PLEC: variants seen among roughly 807,000 people sequenced by gnomAD.
PLEC encodes the protein hemidesmosomal protein 1.
PLEC carries 216 observed loss-of-function variants against 392.8 expected under a neutral mutation model. That is an observed-to-expected ratio of 0.55 (90% confidence interval 0.49 to 0.62). The LOEUF is 0.62. PLEC is among the 20% of genes least tolerant of loss of function. PLEC has a pLI of 0.00. For missense variants in PLEC, 6,863 were observed against 6,563.4 expected, an observed-to-expected ratio of 1.05 and a Z score of -1.58; for synonymous variants, 3,621 against 2,980.6, an observed-to-expected ratio of 1.21 and a Z score of -7.00.
rs1826688996 is a variant in PLEC, at chr8:143,930,040, G to A, written c.2635C>T (p.Leu879=). ...TGCAACTGGTGCCACAGCGTGACCA[G>A]GGCCTGGTGCTGGGCCTCCAGCCTG... is the stretch of plus-strand genomic sequence containing the variant. The part of the protein sequence containing the change: ...VTRLEAQHQA[L]VTLWHQLHVD... The change falls in exon 22 of 32, where the codon CTG becomes TTG. Residue 879 remains leucine, a synonymous_variant. Transcript: ENST00000345136. 1 of 1,611,804 alleles carries A rather than the reference G, an allele frequency of 6.2e-7. No homozygotes were observed. The highest frequency in any genetic ancestry group is 2.2e-5 in the East Asian group (1 of 44,872).
chr8:143,921,357 G>A lies in PLEC; in HGVS notation c.8464C>T (p.His2822Tyr), dbSNP rs904031769. 6 of 1,613,506 alleles carry A rather than the reference G, an allele frequency of 3.7e-6. No homozygotes were observed. The African/African-American group carries it at 6.7e-5, about 18-fold the overall frequency. The part of the protein sequence containing the change: ...TGGVIDPVHS[H>Y]RVPVDVAYRR... ...TAGGCCACGTCCACGGGCACGCGGT[G>A]GCTGTGCACGGGGTCGATAACGCCG... The change falls in exon 32 of 32, where the codon CAC (histidine) becomes TAC (tyrosine). Residue 2822 changes from histidine (H) to tyrosine (Y), a missense_variant. His to Tyr is a moderately conservative substitution (Grantham distance 83). Transcript: ENST00000345136.
upstream of PLEC, among the ~76,000 whole-genome samples, chr8:143,973,698 C>A (rs1833556394): frequency 6.6e-6 from 1 of 150,856 alleles, no homozygotes; most frequent in African/African-American, 2.4e-5. The surrounding 1 kb of genome is among the most constrained non-coding windows in gnomAD (Gnocchi z 5.6). Context: ...GGCTCCGAGT[C>A]CCGCACGCAC....
At chr8:143,956,888 TG>T (rs1554739396), upstream of PLEC, among the ~76,000 whole-genome samples, 67 of 152,320 alleles carry the variant, frequency 4.4e-4, no homozygotes, top group African/African-American at 1.6e-3. Flanking sequence ...CTCAGCCAGC[TG>T]CACGTCAGTC....
intron 9 of PLEC, 36 bp from the exon 10 acceptor site, chr8:143,934,766 C>A: frequency 6.2e-7 from 1 of 1,612,024 alleles, no homozygotes; most frequent in Non-Finnish European, 8.5e-7. Context: ...CCACGCCGGG[C>A]TCTCAGGGCA....
At chr8:143,942,447 GTCCAGCCAGCACGGCCGC>G, upstream of PLEC, 1 of 1,602,736 alleles carries the variant, frequency 6.2e-7, no homozygotes, top group South Asian at 1.1e-5. Flanking sequence ...CGCAGCCCCC[GTCCAGCCAGCACGGCCGC>G]TCCAGCAAGA....
rs981739379 is a variant in PLEC, at chr8:143,938,557, C to G, written c.174+74G>C. On this transcript the variant is annotated intron_variant, in intron 2 of 31. Coordinates refer to ENST00000345136, the MANE Select transcript of PLEC (RefSeq NM_201384.3). ...CAGGCAGCATGGGGACAGCCTTGGG[C>G]GGCAGGGGCCACCCTCCCTCAGCGC... 6 of 1,546,618 alleles carry G rather than the reference C, an allele frequency of 3.9e-6. No homozygotes were observed. The African/African-American group carries it at 8.2e-5, about 21-fold the overall frequency.
At chr8:143,954,016 C>T, upstream of PLEC, 1 of 965,826 alleles carries the variant, frequency 1.0e-6, no homozygotes, top group Non-Finnish European at 1.4e-6. The surrounding 1 kb of genome is among the most constrained non-coding windows in gnomAD (Gnocchi z 4.6). Flanking sequence ...CCCGCTAACC[C>T]CAGCCAGACT....
upstream of PLEC, chr8:143,950,976 A>G (rs1832088847): frequency 5.0e-6 from 3 of 605,062 alleles, no homozygotes; most frequent in Admixed American, 3.8e-5. Context: ...CCTCTGACTC[A>G]GCAGCATGGG....
Position 143,917,816 on chromosome 8 carries a change from T to A in PLEC, c.12005A>T (p.Asp4002Val). The stretch of plus-strand genomic sequence containing the variant: ...GGCGCGCTCGGCCGACAGCAGCTTG[T>A]CCTTGAACTCGGGGCCCACAATGCC... ...RMGIVGPEFK[D>V]KLLSAERAVT... Residue 4002 changes from aspartate (D) to valine (V), a missense_variant, in exon 32 of 32, where the codon GAC becomes GTC. Transcript: ENST00000345136. 4 of 1,613,484 alleles carry A rather than the reference T, an allele frequency of 2.5e-6. No homozygotes were observed. Among genetic ancestry groups the A allele is most frequent in the Non-Finnish European group, 3.4e-6 (4 of 1,179,986 alleles).
chr8:143,953,914 G>T, upstream of PLEC: 1 of 1,458,344 alleles, frequency 6.9e-7, no homozygotes, highest in South Asian at 1.4e-5. Flanking sequence ...GGCTTCAGCT[G>T]ATCAATGCGC....
At chr8:143,942,643 C>A (rs1450990254), upstream of PLEC, 4 of 1,176,390 alleles carry the variant, frequency 3.4e-6, no homozygotes, top group African/African-American at 1.6e-5. Context: ...CACCTCCCCC[C>A]CACAATCCGC....
rs1554709108 is a variant in PLEC, at chr8:143,927,962, G to C, written c.3291C>G (p.Gly1097=). The change falls in exon 26 of 32, where the codon GGC becomes GGG. Residue 1097 remains glycine (G), a synonymous_variant. Coordinates refer to ENST00000345136, the MANE Select transcript of PLEC (RefSeq NM_201384.3). Reference sequence around the variant, plus strand: ...TGAGCACCTCCTCGGCCCCCTGCGTGCCGCGGATCACCAGGCTGATGGTCT... The same window carrying C: ...TGAGCACCTCCTCGGCCCCCTGCGTCCCGCGGATCACCAGGCTGATGGTCT... ...KLKTISLVIR[G]TQGAEEVLRA... 1 of 1,601,718 alleles carries C rather than the reference G, an allele frequency of 6.2e-7. No individual in the cohort carries two copies. Among genetic ancestry groups the C allele is most frequent in the East Asian group, 2.2e-5 (1 of 44,460 alleles).
upstream of PLEC, among the ~76,000 whole-genome samples, chr8:143,956,698 C>T (rs1832614418): frequency 6.6e-6 from 1 of 152,014 alleles, no homozygotes; most frequent in Admixed American, 6.6e-5. Context: ...TCAAGCTGCC[C>T]GCCTGTGAGT....
At position 143,932,170 on chromosome 8, in the gene PLEC, C is replaced by T. The variant is rs561259506; in HGVS notation, c.2042G>A (p.Arg681Gln). Residue 681 changes from arginine (R) to glutamine (Q), a missense_variant, in exon 17 of 32, where the codon CGG becomes CAG. Arg to Gln is a conservative substitution (Grantham distance 43, BLOSUM62 1). Transcript: ENST00000345136. Reference protein sequence around the residue: ...KIKELQNAGDRLLREDHPARP... With the variant: ...KIKELQNAGDQLLREDHPARP... ...GGCCGGGTGGTCCTCCCGCAGCAGC[C>T]GGTCCCCAGCATTTTGGAGCTCCTT... The T allele has an allele frequency of 8.1e-6, 13 of 1,612,228 alleles. No homozygotes were observed. Among genetic ancestry groups the T allele is most frequent in the East Asian group, 6.7e-5 (3 of 44,862 alleles).
rs1821708789 is a variant in PLEC at position 143,919,318 on chromosome 8, G to T, written c.10503C>A (p.Val3501=). 1.2e-6 allele frequency: 2 copies of T among 1,613,986 alleles called. No homozygotes were observed. Among genetic ancestry groups the T allele is most frequent in the Non-Finnish European group, 1.7e-6 (2 of 1,180,042 alleles). ...RGYFSEEMNR[V]LADPSDDTKG... ...TGGTGTCGTCGCTGGGGTCCGCCAG[G>T]ACGCGGTTCATCTCCTCACTGAAGT... The change falls in exon 32 of 32, where the codon GTC becomes GTA. Residue 3501 remains valine, a synonymous_variant. Transcript: ENST00000345136.
intron 1 of PLEC, among the ~76,000 whole-genome samples, chr8:143,971,481 G>A (rs782543712): frequency 6.6e-6 from 1 of 152,094 alleles, no homozygotes; most frequent in Non-Finnish European, 1.5e-5. Context: ...AGGAAGGGCC[G>A]GGGCTCCAGC....
intron 1 of PLEC, chr8:143,946,445 C>T: frequency 7.8e-7 from 1 of 1,274,106 alleles, no homozygotes; most frequent in Non-Finnish European, 1.0e-6. Flanking sequence ...GAAGGCGAGG[C>T]AGGAAGGAGG....
At chr8:143,942,885 C>G (rs1241488048), upstream of PLEC, among the ~76,000 whole-genome samples, 3 of 152,324 alleles carry the variant, frequency 2.0e-5, no homozygotes, top group East Asian at 1.9e-4. Context: ...GAGGCAGAAC[C>G]GAGGAGCTGA....
intron 1 of PLEC, among the ~76,000 whole-genome samples, chr8:143,970,458 G>T (rs1833366644): frequency 6.6e-6 from 1 of 152,160 alleles, no homozygotes; most frequent in Admixed American, 6.5e-5. Context: ...CTCAGACTGA[G>T]ATTTCCTCTG....
Sources: gnomAD v4.1 joint callset for allele counts (sites outside exome capture counted in the v4.1 genomes callset) on GRCh38, gnomAD v4.1.1 for gene constraint, Gnocchi (gnomAD v3.1) non-coding constraint, MANE v1.5 for transcripts, NCBI Gene and HGNC (gene_info 2026-07-23, HGNC 2026-07-21) for gene names.